PITX3: variants seen among roughly 807,000 people sequenced by gnomAD.
PITX3 encodes pituitary homeobox 3.
Under a neutral mutation model 14.2 loss-of-function variants are expected in PITX3, and 4 were observed. The observed-to-expected ratio is 0.28, with a 90% CI of 0.14 to 0.65. The LOEUF (loss-of-function observed/expected upper bound fraction) is 0.65. Among genes scored for constraint, PITX3 ranks in the 30% least tolerant of loss-of-function variants. The probability of loss-of-function intolerance (pLI) is 0.82; values close to 1 mark genes in which losing one functional copy is unlikely to be tolerated. For synonymous variants in PITX3, 194 were observed against 204.5 expected, an observed-to-expected ratio of 0.95 and a Z score of 0.44; for missense variants, 358 against 426.8, an observed-to-expected ratio of 0.84 and a Z score of 1.42.
chr10:102,233,462 C>A (rs1310169927), intron 1 of PITX3, among the ~76,000 whole-genome samples: 1 of 151,880 alleles, frequency 6.6e-6, no homozygotes, highest in Non-Finnish European at 1.5e-5. Flanking sequence ...TGCCCCCACG[C>A]CTGGCTAATT....
At chr10:102,237,141 A>C (rs1014600009) in intron 1 of PITX3, among the ~76,000 whole-genome samples, 3 of 152,180 alleles carry the variant, frequency 2.0e-5, no homozygotes, top group Non-Finnish European at 4.4e-5. Flanking sequence ...ACAGTAAGGC[A>C]GAGACCCTAT....
chr10:102,237,998 G>T (rs1222040190), intron 1 of PITX3, among the ~76,000 whole-genome samples: 2 of 152,116 alleles, frequency 1.3e-5, no homozygotes, highest in Non-Finnish European at 2.9e-5. Context: ...ACCATGGTGA[G>T]CATAAAGGGT....
At chr10:102,234,484 CA>C (rs1447158234) in intron 1 of PITX3, among the ~76,000 whole-genome samples, 1 of 152,024 alleles carries the variant, frequency 6.6e-6, no homozygotes, top group African/African-American at 2.4e-5. Flanking sequence ...CGGGTCAGGT[CA>C]GGGGGTTTGG....
At chr10:102,232,385 A>T (rs1401117488) in intron 1 of PITX3, among the ~76,000 whole-genome samples, 1 of 152,204 alleles carries the variant, frequency 6.6e-6, no homozygotes, top group Non-Finnish European at 1.5e-5. Context: ...TTGAATTAAT[A>T]AAAATGTAGA....
chr10:102,231,919 A>T, intron 2 of PITX3, 44 bp downstream of exon 2: 1 of 1,564,480 alleles, frequency 6.4e-7, no homozygotes, highest in Non-Finnish European at 8.8e-7. Flanking sequence ...CGCACTGGGG[A>T]TGAAGCTGTT....
intron 1 of PITX3, among the ~76,000 whole-genome samples, chr10:102,234,440 T>A (rs1170894693): frequency 6.6e-6 from 1 of 152,076 alleles, no homozygotes; most frequent in East Asian, 1.9e-4. Flanking sequence ...AGGCCAGAAC[T>A]GGAGGTGTGC....
intron 1 of PITX3, among the ~76,000 whole-genome samples, chr10:102,239,409 C>T (rs1306247301): frequency 6.6e-6 from 1 of 152,198 alleles, no homozygotes; most frequent in African/African-American, 2.4e-5. Flanking sequence ...TCCTTCATTT[C>T]ACCTATAATT....
At chr10:102,233,287 CT>C (rs35753815) in intron 1 of PITX3, among the ~76,000 whole-genome samples, 86,461 of 131,902 alleles carry the variant, frequency 0.66, 28,441 homozygotes, top group African/African-American at 0.76. Context: ...CGACTTCTTT[CT>C]TTTTTTTTTT....
At chr10:102,237,586 A>C (rs913802575) in intron 1 of PITX3, among the ~76,000 whole-genome samples, 2 of 152,138 alleles carry the variant, frequency 1.3e-5, no homozygotes, top group African/African-American at 4.8e-5. Context: ...GCCCTGAATA[A>C]AGAAAAAAAC....
Position 102,230,345 on chromosome 10 carries a change from A to C in PITX3, c.*169T>G. Reference sequence around the variant, plus strand: ...GCGGTCTGTGTGTAGGGCCTAGTCCACCCCTCAGGGCTGGGAGGGGAAGGC... The same window carrying C: ...GCGGTCTGTGTGTAGGGCCTAGTCCCCCCCTCAGGGCTGGGAGGGGAAGGC... On this transcript the variant is annotated 3_prime_UTR_variant, in exon 4 of 4. Coordinates refer to ENST00000370002, the MANE Select transcript of PITX3 (RefSeq NM_005029.4). 1 of 1,020,018 alleles carries C rather than the reference A, an allele frequency of 9.8e-7. No homozygotes were observed. The highest frequency in any genetic ancestry group is 1.4e-6 in the Non-Finnish European group (1 of 719,676). The allele number at this position is 1,020,018 out of a possible 1,614,324, so 63.2% of individuals were successfully genotyped here. A position where few individuals can be genotyped will look rare whatever the true frequency, so the allele number is the denominator to read the frequency against.
At chr10:102,231,184 G>T in intron 3 of PITX3, 83 bp from the exon 4 acceptor site, 1 of 1,323,496 alleles carries the variant, frequency 7.6e-7, no homozygotes, top group Non-Finnish European at 1.0e-6. Flanking sequence ...GGGGCTTCCA[G>T]CCGGGGCCCT....
chr10:102,237,387 G>A (rs1367599203), intron 1 of PITX3, among the ~76,000 whole-genome samples: 1 of 152,196 alleles, frequency 6.6e-6, no homozygotes, highest in African/African-American at 2.4e-5. Context: ...GGCAGGCTGG[G>A]AGGGCAGTGG....
In PITX3 at chr10:102,230,631, C is replaced by T; in HGVS notation, c.792G>A (p.Leu264=). The part of the protein sequence containing the change: ...YVYRDPCNSS[L]ASLRLKAKQH... Reference sequence around the variant, plus strand: ...GTTTGGCTTTGAGCCGCAGGCTGGCCAGGCTCGAGTTACACGGGTCCCGAT... The same window carrying T: ...GTTTGGCTTTGAGCCGCAGGCTGGCTAGGCTCGAGTTACACGGGTCCCGAT... The change falls in exon 4 of 4, where the codon CTG becomes CTA. Residue 264 remains leucine (L), a synonymous_variant. Transcript: ENST00000370002. 6.2e-7 allele frequency: 1 copy of T among 1,607,206 alleles called. No individual in the cohort carries two copies. The highest frequency in any genetic ancestry group is 8.5e-7 in the Non-Finnish European group (1 of 1,177,312).
At position 102,235,372 on chromosome 10, in the gene PITX3, C is replaced by T. The variant is rs2070366551; in HGVS notation, c.-12-3280G>A. ...AGGAGGGGCAGAAAGTGCCCAGGCC[C>T]CTCTCAGGAAAGTCATCTGGTATAG... is the stretch of plus-strand genomic sequence containing the variant. On this transcript the variant is annotated intron_variant, in intron 1 of 3. Coordinates refer to ENST00000370002, the MANE Select transcript of PITX3 (RefSeq NM_005029.4). Among the ~76,000 whole-genome samples the T allele has an allele frequency of 2.0e-5, 3 of 152,144 alleles. 1 individual carries two copies. The South Asian group carries it at 6.2e-4, about 32-fold the overall frequency.
At chr10:102,232,481 G>A (rs1222328084) in intron 1 of PITX3, among the ~76,000 whole-genome samples, 1 of 152,102 alleles carries the variant, frequency 6.6e-6, no homozygotes, top group Non-Finnish European at 1.5e-5. Context: ...TCAGGAGTTC[G>A]AGACCAGCCT....
At chr10:102,238,291 G>T (rs930971616) in intron 1 of PITX3, among the ~76,000 whole-genome samples, 6 of 152,208 alleles carry the variant, frequency 3.9e-5, no homozygotes, top group African/African-American at 1.4e-4. Context: ...GAGAAGAAAA[G>T]ATTCTACTGG....
At position 102,230,706 on chromosome 10, in the gene PITX3, A is replaced by G; in HGVS notation, c.717T>C (p.Tyr239=). The G allele has an allele frequency of 3.9e-6, 6 of 1,557,090 alleles. No homozygotes were observed. Among genetic ancestry groups the G allele is most frequent in the South Asian group, 1.2e-5 (1 of 84,840 alleles). Residue 239 remains tyrosine, a synonymous_variant, in exon 4 of 4, where the codon TAT becomes TAC. Transcript: ENST00000370002. ...CCGCGGCGGCGGCGGCGGCCGAGGC[A>G]TAAGGGCAGGACACGGCCCCGGAGG... ...AVSSGAVSCP[Y]ASAAAAAAAA...
intron 1 of PITX3, among the ~76,000 whole-genome samples, chr10:102,233,301 C>CT (rs71189113): frequency 1.1e-5 from 1 of 88,352 alleles, no homozygotes; most frequent in Non-Finnish European, 2.2e-5. Flanking sequence ...TTTTTTTTTC[C>CT]TTCTTTTTTT....
chr10:102,238,517 T>C (rs917718863), intron 1 of PITX3, among the ~76,000 whole-genome samples: 5 of 152,214 alleles, frequency 3.3e-5, no homozygotes, highest in East Asian at 3.8e-4. Flanking sequence ...GGGTGGCCCG[T>C]CTGTCATTAA....
Sources: gnomAD v4.1 joint callset for allele counts (sites outside exome capture counted in the v4.1 genomes callset) on GRCh38, gnomAD v4.1.1 for gene constraint, MANE v1.5 for transcripts, NCBI Gene and HGNC (gene_info 2026-07-23, HGNC 2026-07-21) for gene names.